EYA2: variants seen among roughly 807,000 people sequenced by gnomAD.
The protein encoded by EYA2 is EYA transcriptional coactivator and phosphatase 2.
A neutral mutation model predicts 69.2 loss-of-function variants in EYA2; 31 were observed. The observed-to-expected ratio is 0.45, with a 90% CI of 0.34 to 0.60. EYA2 has a LOEUF of 0.60. Among genes scored for constraint, EYA2 ranks in the 20% least tolerant of loss-of-function variants. EYA2 has a pLI of 0.02. For synonymous variants in EYA2, 257 were observed against 279.4 expected (o/e 0.92, Z 0.80); for missense variants, 622 against 701.2 (o/e 0.89, Z 1.28).
chr20:47,184,772 A>G (rs955186589), intron 15 of EYA2, among the ~76,000 whole-genome samples: 8 of 152,150 alleles, frequency 5.3e-5, no homozygotes, highest in Admixed American at 4.6e-4. Flanking sequence ...TAATTTGCCT[A>G]GGGTCACACA....
chr20:47,161,464 TG>T, intron 10 of EYA2: 1 of 448,208 alleles, frequency 2.2e-6, no homozygotes, highest in East Asian at 5.8e-5. Flanking sequence ...AACTCTTTGA[TG>T]GCCAGGAAGA....
intron 10 of EYA2, among the ~76,000 whole-genome samples, chr20:47,149,729 C>T (rs1476783784): frequency 6.7e-6 from 1 of 150,278 alleles, no homozygotes. Context: ...AGCAGGGTGG[C>T]GTGCACCTGT....
chr20:47,069,238 A>T (rs916727300), intron 5 of EYA2, among the ~76,000 whole-genome samples: 1 of 152,220 alleles, frequency 6.6e-6, no homozygotes, highest in African/African-American at 2.4e-5. Context: ...TCACGTCTGT[A>T]ATCCCAACAC....
At chr20:46,986,282 A>G (rs1568704912) in intron 1 of EYA2, among the ~76,000 whole-genome samples, 1 of 139,980 alleles carries the variant, frequency 7.1e-6, no homozygotes, top group African/African-American at 2.6e-5. Context: ...TATATAATAT[A>G]TCTCTATATA....
chr20:47,183,223 G>T, intron 14 of EYA2, 68 bp from the exon 15 acceptor site: 1 of 1,456,536 alleles, frequency 6.9e-7, no homozygotes, highest in South Asian at 1.2e-5. Context: ...AGCTCTTAAT[G>T]AGCGGGTATT....
chr20:47,116,994 A>ATTTTT lies in EYA2; in HGVS notation c.888+19842_888+19846dup, dbSNP rs11482114. On this transcript the variant is annotated intron_variant, in intron 9 of 15. Coordinates refer to ENST00000327619, the MANE Select transcript of EYA2 (RefSeq NM_005244.5). ...GTAGACTCACTGAACATGCATCTGC[A>ATTTTT]TTTTTTTTTTTTTTTTTTTTGAGGC... is the stretch of plus-strand genomic sequence containing the variant. Among the ~76,000 whole-genome samples, 345 of 117,010 alleles carry ATTTTT rather than the reference A, an allele frequency of 2.9e-3. 8 individuals are homozygous for ATTTTT. Among genetic ancestry groups the ATTTTT allele is most frequent in the African/African-American group, 0.01 (306 of 29,740 alleles). The allele number at this position is 117,010 out of a possible 152,430, so 76.8% of individuals were successfully genotyped here. A position where few individuals can be genotyped will look rare whatever the true frequency, so the allele number is the denominator to read the frequency against.
At chr20:47,113,627 C>T (rs899932785) in intron 9 of EYA2, among the ~76,000 whole-genome samples, 5 of 152,170 alleles carry the variant, frequency 3.3e-5, no homozygotes, top group Admixed American at 6.5e-5. Flanking sequence ...AGCGCTGTAG[C>T]CTGGAGCTTA....
At position 47,072,193 on chromosome 20, in the gene EYA2, G is replaced by A. The variant is rs2031337748; in HGVS notation, c.424G>A (p.Gly142Arg). 1 of 1,613,014 alleles carries A rather than the reference G, an allele frequency of 6.2e-7. No homozygotes were observed. Among genetic ancestry groups the A allele is most frequent in the Non-Finnish European group, 8.5e-7 (1 of 1,179,516 alleles). Residue 142 changes from glycine (G) to arginine (R), a missense_variant, in exon 6 of 16, where the codon GGG becomes AGG. By Grantham distance (125) the Gly-to-Arg change is moderately radical. Coordinates refer to ENST00000327619, the MANE Select transcript of EYA2 (RefSeq NM_005244.5). ...GTTCCTCCTTCCCACAGGCACAACA[G>A]GGTTCTATCAAGGAGGAAATGGACT... ...PYTYQMHGTT[G>R]FYQGGNGLGN...
intron 6 of EYA2, among the ~76,000 whole-genome samples, 185 bp downstream of exon 6, chr20:47,072,437 C>T (rs1255861479): frequency 6.6e-6 from 1 of 152,114 alleles, no homozygotes; most frequent in Non-Finnish European, 1.5e-5. Flanking sequence ...AGTATACAGG[C>T]GGAGACGTAG....
chr20:47,116,476 C>CCTA (rs146717984), intron 9 of EYA2, among the ~76,000 whole-genome samples: 38 of 151,304 alleles, frequency 2.5e-4, no homozygotes, highest in African/African-American at 9.1e-4. Context: ...CTGCGCCCGG[C>CCTA]CCACCATCCT....
At chr20:46,965,026 A>T (rs1979690136) in intron 1 of EYA2, among the ~76,000 whole-genome samples, 1 of 152,184 alleles carries the variant, frequency 6.6e-6, no homozygotes, top group African/African-American at 2.4e-5. Context: ...GTAGAGTTGG[A>T]TTCAAATTCA....
chr20:46,987,895 C>G (rs1184506254), intron 1 of EYA2, among the ~76,000 whole-genome samples: 1 of 117,492 alleles, frequency 8.5e-6, no homozygotes, highest in Non-Finnish European at 1.7e-5. Flanking sequence ...CCACTGTACT[C>G]CAGCCTGGAA....
intron 10 of EYA2, among the ~76,000 whole-genome samples, chr20:47,168,612 G>A (rs565597516): frequency 6.6e-5 from 10 of 151,898 alleles, no homozygotes; most frequent in African/African-American, 9.7e-5. Context: ...CATAGTAAGT[G>A]CTCAGTAAAT....
At chr20:47,186,158 T>C (rs918671953) in intron 15 of EYA2, among the ~76,000 whole-genome samples, 1 of 152,022 alleles carries the variant, frequency 6.6e-6, no homozygotes, top group Non-Finnish European at 1.5e-5. Flanking sequence ...GATGAACTTA[T>C]CTTGTTTATT....
intron 3 of EYA2, among the ~76,000 whole-genome samples, chr20:47,002,542 CT>C (rs745369702): frequency 6.6e-6 from 1 of 152,154 alleles, no homozygotes; most frequent in Non-Finnish European, 1.5e-5. Flanking sequence ...GATCTTGTTC[CT>C]TTTTATGGCT....
chr20:47,069,106 A>G (rs1265021188), intron 5 of EYA2, among the ~76,000 whole-genome samples: 3 of 152,212 alleles, frequency 2.0e-5, no homozygotes, highest in African/African-American at 4.8e-5. Flanking sequence ...AAAATCCCAG[A>G]TGGTGTTTAG....
chr20:47,091,816 G>A (rs1158650543), intron 8 of EYA2, among the ~76,000 whole-genome samples: 4 of 152,148 alleles, frequency 2.6e-5, no homozygotes, highest in Non-Finnish European at 4.4e-5. Context: ...AGAGGAGGCC[G>A]TAAAACCAAG....
At chr20:46,931,021 T>C (rs2146250930) in intron 1 of EYA2, among the ~76,000 whole-genome samples, 1 of 152,298 alleles carries the variant, frequency 6.6e-6, no homozygotes, top group South Asian at 2.1e-4. Context: ...CGAAAACGTC[T>C]CCACACATTG....
chr20:46,991,928 A>G (rs1231926789), intron 2 of EYA2, among the ~76,000 whole-genome samples: 7 of 137,570 alleles, frequency 5.1e-5, no homozygotes, highest in Non-Finnish European at 1.1e-4. Flanking sequence ...AGATCGTACC[A>G]TTGCACTCCA....
Sources: allele counts gnomAD v4.1 joint callset (sites outside exome capture counted in the v4.1 genomes callset), GRCh38; gene constraint gnomAD v4.1.1; transcripts MANE v1.5; gene names NCBI Gene and HGNC (gene_info 2026-07-23, HGNC 2026-07-21).